Variants in RAPGEF1 observed in about 807,000 individuals in gnomAD.
RAPGEF1 encodes Rap guanine nucleotide exchange factor 1.
Under a neutral mutation model 143.3 loss-of-function variants are expected in RAPGEF1, and 33 were observed. The ratio of observed to expected loss-of-function variants is 0.23; its 90% CI spans 0.17 to 0.31. The LOEUF (loss-of-function observed/expected upper bound fraction) is 0.31. Among genes scored for constraint, RAPGEF1 ranks in the 10% least tolerant of loss-of-function variants. The pLI is 1.00. For synonymous variants in RAPGEF1, 629 were observed against 676.5 expected, an observed-to-expected ratio of 0.93 and a Z score of 1.09; for missense variants, 1,199 against 1,645.4, an observed-to-expected ratio of 0.73 and a Z score of 4.69.
At chr9:131,597,144 G>A (rs1469088391) in intron 16 of RAPGEF1, among the ~76,000 whole-genome samples, 1 of 152,214 alleles carries the variant, frequency 6.6e-6, no homozygotes, top group African/African-American at 2.4e-5. Context: ...TCCTTGCTCT[G>A]TAACGCTGGA....
At chr9:131,735,677 G>A (rs764016278) in intron 1 of RAPGEF1, among the ~76,000 whole-genome samples, 3 of 152,204 alleles carry the variant, frequency 2.0e-5, no homozygotes, top group Admixed American at 6.5e-5. Context: ...GGATGCAAAC[G>A]CAAATGTCAA....
chr9:131,731,594 C>CGG (rs1837078576), intron 1 of RAPGEF1, among the ~76,000 whole-genome samples: 1 of 152,150 alleles, frequency 6.6e-6, no homozygotes, highest in Non-Finnish European at 1.5e-5. Flanking sequence ...TTTAACAATA[C>CGG]AGTGTGTGGC....
chr9:131,598,080 G>T (rs1231698505), intron 16 of RAPGEF1, 119 bp downstream of exon 16: 2 of 832,876 alleles, frequency 2.4e-6, no homozygotes, highest in African/African-American at 1.7e-5. Context: ...GGCATTGAAA[G>T]ACTTGGTCTC....
At chr9:131,662,904 A>C (rs990416199) in intron 1 of RAPGEF1, among the ~76,000 whole-genome samples, 3 of 152,128 alleles carry the variant, frequency 2.0e-5, no homozygotes, top group Admixed American at 1.3e-4. Flanking sequence ...CCTGGGCTCA[A>C]GTGATCCTCT....
chr9:131,627,169 A>G (rs7030417), intron 9 of RAPGEF1, among the ~76,000 whole-genome samples: 127,558 of 147,546 alleles, frequency 0.86, 55,258 homozygotes, highest in African/African-American at 0.92. Context: ...AGCCCAGATC[A>G]TGTCACTACA....
At chr9:131,613,421 C>T (rs529330116) in intron 12 of RAPGEF1, among the ~76,000 whole-genome samples, 82 of 152,142 alleles carry the variant, frequency 5.4e-4, no homozygotes, top group African/African-American at 1.9e-3. Context: ...AGGGATGTGG[C>T]GACACTATAG....
chr9:131,677,078 T>C (rs1297854453), intron 1 of RAPGEF1, among the ~76,000 whole-genome samples: 1 of 152,244 alleles, frequency 6.6e-6, no homozygotes, highest in East Asian at 1.9e-4. Context: ...TGCTACTGAC[T>C]TCATTTACCC....
rs185835283 is a variant in RAPGEF1 at position 131,667,351 on chromosome 9, G to A, written c.62-16402C>T. 2.4e-4 allele frequency among the ~76,000 whole-genome samples: 36 copies of A among 152,284 alleles called. 1 individual carries two copies. In the East Asian group the frequency reaches 5.6e-3, roughly 24 times the overall value. ...CCGAGTCACAGGCGGCTTCCTGCTC[G>A]CCTTAGGCAGGGCTCAGGGCAGCAC... On this transcript the variant is annotated intron_variant, in intron 1 of 26. Transcript: ENST00000683357. The surrounding 1 kb of genome is among the most constrained non-coding windows in gnomAD (Gnocchi z 4.6).
At position 131,739,824 on chromosome 9, in the gene RAPGEF1, C is replaced by T. The variant is rs1314436621; in HGVS notation, c.7G>A (p.Gly3Ser). 4.4e-6 allele frequency: 5 copies of T among 1,134,794 alleles called. No individual in the cohort carries two copies. The highest frequency in any genetic ancestry group is 8.7e-5 in the East Asian group (1 of 11,500). 70.3% of individuals were successfully genotyped at this position (1,134,794 alleles called of 1,614,324 possible). The change falls in exon 1 of 27, where the codon GGC becomes AGC. Residue 3 changes from glycine to serine, a missense_variant. Gly to Ser is a moderately conservative substitution (Grantham distance 56). Transcript: ENST00000683357. MS[G>S]GLGLRRSPEM... ...GGGCTGCGCCGGAGGCCGAGGCCGC[C>T]GCTCATCGGGCCCGGGCCGGGCCGC...
At chr9:131,673,502 AACC>A (rs1831736602) in intron 1 of RAPGEF1, among the ~76,000 whole-genome samples, 4 of 152,224 alleles carry the variant, frequency 2.6e-5, no homozygotes, top group Admixed American at 6.5e-5. Flanking sequence ...CTAAGATGAT[AACC>A]ACCTTTTACA....
intron 1 of RAPGEF1, among the ~76,000 whole-genome samples, chr9:131,662,546 A>G (rs1261061338): frequency 7.0e-6 from 1 of 143,624 alleles, no homozygotes; most frequent in Non-Finnish European, 1.5e-5. Context: ...TTTTTGTTTT[A>G]TTTTGTTTTT....
At position 131,641,806 on chromosome 9, in the gene RAPGEF1, G is replaced by A. The variant is rs922693770; in HGVS notation, c.494+1433C>T. On this transcript the variant is annotated intron_variant, in intron 4 of 26. Coordinates refer to ENST00000683357, the MANE Select transcript of RAPGEF1 (RefSeq NM_001377935.1). This position sits in a 1 kb window ranked among gnomAD's most constrained non-coding sequence, Gnocchi z 4.6. Reference sequence around the variant, plus strand: ...TGCCTCCTTCCCGTCACCAACCAGCGCCAGCGAGCTTCTGGCCAAAAGACC... The same window carrying A: ...TGCCTCCTTCCCGTCACCAACCAGCACCAGCGAGCTTCTGGCCAAAAGACC... Among the ~76,000 whole-genome samples, 15 of 152,218 alleles carry A rather than the reference G, an allele frequency of 9.9e-5. No individual in the cohort carries two copies. The highest frequency in any genetic ancestry group is 2.2e-4 in the Non-Finnish European group (15 of 68,032).
chr9:131,628,037 A>G lies in RAPGEF1; in HGVS notation c.1077T>C (p.Gly359=), dbSNP rs567027493. ...RRLSGGSHSY[G]GESPRLSPCS... ...AGGGGGAGAGGCGGGGCGACTCTCC[A>G]CCATATGAGTGGCTGCCTCCTGACA... Residue 359 remains glycine, a synonymous_variant, in exon 9 of 27, where the codon GGT becomes GGC. Transcript: ENST00000683357. The surrounding 1 kb of genome is among the most constrained non-coding windows in gnomAD (Gnocchi z 5.7). 1 of 1,563,776 alleles carries G rather than the reference A, an allele frequency of 6.4e-7. No individual in the cohort carries two copies. Among genetic ancestry groups the G allele is most frequent in the Admixed American group, 1.9e-5 (1 of 52,816 alleles).
At chr9:131,596,480 A>C in intron 16 of RAPGEF1, 107 bp from the exon 17 acceptor site, 4 of 1,091,128 alleles carry the variant, frequency 3.7e-6, no homozygotes, top group Non-Finnish European at 4.1e-6. Flanking sequence ...CTGCAACCCC[A>C]AGTCCCCTCT....
At chr9:131,636,670 T>A (rs1457654209) in intron 5 of RAPGEF1, among the ~76,000 whole-genome samples, 2 of 152,170 alleles carry the variant, frequency 1.3e-5, no homozygotes, top group Non-Finnish European at 2.9e-5. Flanking sequence ...CAATTTTCAA[T>A]AATAGCATTT....
At chr9:131,708,377 A>G (rs1269319815) in intron 1 of RAPGEF1, among the ~76,000 whole-genome samples, 1 of 152,162 alleles carries the variant, frequency 6.6e-6, no homozygotes. Context: ...TAACTGTGAT[A>G]AAAGGCCGCT....
intron 16 of RAPGEF1, among the ~76,000 whole-genome samples, chr9:131,597,537 G>C (rs1372264249): frequency 1.3e-5 from 2 of 152,142 alleles, no homozygotes; most frequent in Non-Finnish European, 2.9e-5. Context: ...CTCCTGGTGC[G>C]GGCCAAGGCT....
intron 1 of RAPGEF1, among the ~76,000 whole-genome samples, chr9:131,679,350 C>T (rs1259515153): frequency 6.6e-6 from 1 of 152,144 alleles, no homozygotes; most frequent in Non-Finnish European, 1.5e-5. Context: ...TCCACTATGA[C>T]CAAGGAAACC....
intron 4 of RAPGEF1, among the ~76,000 whole-genome samples, chr9:131,640,066 T>G (rs1467811850): frequency 6.6e-6 from 1 of 152,138 alleles, no homozygotes; most frequent in Non-Finnish European, 1.5e-5. Context: ...CAGGATTGGG[T>G]ATTTTAGAAG....
Sources: gnomAD v4.1 joint callset for allele counts (sites outside exome capture counted in the v4.1 genomes callset) on GRCh38, gnomAD v4.1.1 for gene constraint, Gnocchi (gnomAD v3.1) non-coding constraint, MANE v1.5 for transcripts, NCBI Gene and HGNC (gene_info 2026-07-23, HGNC 2026-07-21) for gene names.